PGAP6: variants seen among roughly 807,000 people sequenced by gnomAD.
PGAP6 encodes post-GPI attachment to proteins factor 6.
Under a neutral mutation model 68.4 loss-of-function variants are expected in PGAP6, and 62 were observed. The observed-to-expected ratio is 0.91, with a 90% confidence interval of 0.74 to 1.12. The LOEUF (loss-of-function observed/expected upper bound fraction) is 1.12, where lower values mean the gene tolerates loss of function less well. Ranked by LOEUF, PGAP6 falls within the 50% of genes most tolerant of loss-of-function variation. The pLI is 0.00. For missense variants in PGAP6, 1,188 were observed against 1,068.5 expected, an observed-to-expected ratio of 1.11 and a Z score of -1.56; for synonymous variants, 575 against 474.0, an observed-to-expected ratio of 1.21 and a Z score of -2.77.
chr16:376,791 C>A lies in PGAP6; in HGVS notation c.657G>T (p.Thr219=). 3.7e-6 allele frequency: 6 copies of A among 1,608,392 alleles called. No homozygotes were observed. Among genetic ancestry groups the A allele is most frequent in the Non-Finnish European group, 4.2e-6 (5 of 1,179,912 alleles). ...SYLKVFVPDY[T]RELLLELRDC... The stretch of plus-strand genomic sequence containing the variant: ...CCCGCAGCTCCAGCAGAAGCTCCCG[C>A]GTGTAATCGGGGACAAAGACCCTGC... The change falls in exon 5 of 13, where the codon ACG becomes ACT. Residue 219 remains threonine (T), a synonymous_variant. Transcript: ENST00000431232.
chr16:374,216 C>T lies in PGAP6; in HGVS notation c.1755+5G>A, dbSNP rs183893170. ...CCCACATCCCTGCAGGAGGGGCCAG[C>T]CTACCGTGGAGAAGAACATGGTGTA... On this transcript the variant is annotated splice_donor_5th_base_variant and intron_variant, in intron 10 of 12. Coordinates refer to ENST00000431232, the MANE Select transcript of PGAP6 (RefSeq NM_021259.3). The T allele has an allele frequency of 7.5e-6, 12 of 1,610,050 alleles. No individual in the cohort carries two copies. The Admixed American group carries it at 2.0e-4, about 27-fold the overall frequency.
chr16:378,404 GCACTGCCATCGCCACCCA>G lies in PGAP6; in HGVS notation c.122-574_122-557del, dbSNP rs1425428166. Among the ~76,000 whole-genome samples, 7 of 18,918 alleles carry G rather than the reference GCACTGCCATCGCCACCCA, an allele frequency of 3.7e-4. 1 individual carries two copies. The highest frequency in any genetic ancestry group is 8.5e-4 in the African/African-American group (3 of 3,546). 12.4% of individuals were successfully genotyped at this position (18,918 alleles called of 152,430 possible). ...GCCACCCTGACTGCCATCGCCACCCGCACTGCCATCGCCACCCACACTGCCATCCCCACCCGCACTGCC... is the reference window on the plus strand; with the variant it reads ...GCCACCCTGACTGCCATCGCCACCCGCACTGCCATCCCCACCCGCACTGCC... On this transcript the variant is annotated intron_variant, in intron 1 of 12. Transcript: ENST00000431232.
Position 381,944 on chromosome 16 carries a change from C to G in PGAP6, c.-123G>C. ...CCGCCTCTGCCCCCGGCGCCCATGG[C>G]CCGGCCGGTCCCCGCCGCCGTCGCC... is the stretch of plus-strand genomic sequence containing the variant. On this transcript the variant is annotated 5_prime_UTR_variant, in exon 1 of 13. Coordinates refer to ENST00000431232, the MANE Select transcript of PGAP6 (RefSeq NM_021259.3). 1 of 973,046 alleles carries G rather than the reference C, an allele frequency of 1.0e-6. No homozygotes were observed. Among genetic ancestry groups the G allele is most frequent in the Non-Finnish European group, 1.2e-6 (1 of 820,438 alleles). The allele number at this position is 973,046 out of a possible 1,614,324, so 60.3% of individuals were successfully genotyped here.
rs1339218875 is a variant in PGAP6, at chr16:381,912, GCCGCCT to G, written c.-97_-92del. 6 of 967,216 alleles carry G rather than the reference GCCGCCT, an allele frequency of 6.2e-6. No individual in the cohort carries two copies. The highest frequency in any genetic ancestry group is 6.4e-5 in the Admixed American group (1 of 15,710). 59.9% of individuals were successfully genotyped at this position (967,216 alleles called of 1,614,324 possible). Reference sequence around the variant, plus strand: ...GGCAGCCTCTGCCGCCTCCGCCTCTGCCGCCTCCGCCTCTGCCCCCGGCGCCCATGG... The same window carrying G: ...GGCAGCCTCTGCCGCCTCCGCCTCTGCCGCCTCTGCCCCCGGCGCCCATGG... On this transcript the variant is annotated 5_prime_UTR_variant, in exon 1 of 13. Coordinates refer to ENST00000431232, the MANE Select transcript of PGAP6 (RefSeq NM_021259.3).
intron 1 of PGAP6, among the ~76,000 whole-genome samples, chr16:380,378 T>G (rs2054426896): frequency 1.3e-5 from 2 of 151,994 alleles, no homozygotes; most frequent in East Asian, 1.9e-4. Context: ...CTTTCTTTTT[T>G]TTTTTTGAGA....
At chr16:381,664 C>A in intron 1 of PGAP6, 37 bp downstream of exon 1, 1 of 1,188,428 alleles carries the variant, frequency 8.4e-7, no homozygotes, top group Non-Finnish European at 1.0e-6. Flanking sequence ...GCAGCCCCGG[C>A]CCCACGCCCC....
intron 6 of PGAP6, among the ~76,000 whole-genome samples, 191 bp from the exon 7 acceptor site, chr16:375,626 G>A (rs1156274674): frequency 6.6e-6 from 1 of 151,840 alleles, no homozygotes; most frequent in African/African-American, 2.4e-5. Context: ...TCCGCCCCTG[G>A]GTTCATGCCA....
rs1262666483 is a variant in PGAP6, at chr16:376,811, C to T, written c.637G>A (p.Val213Ile). The change falls in exon 5 of 13, where the codon GTC becomes ATC. Residue 213 changes from valine (V) to isoleucine (I), a missense_variant and splice_region_variant. Coordinates refer to ENST00000431232, the MANE Select transcript of PGAP6 (RefSeq NM_021259.3). Reference protein sequence around the residue: ...TLLSHPSYLKVFVPDYTRELL... With the variant: ...TLLSHPSYLKIFVPDYTRELL... ...TCCCGCGTGTAATCGGGGACAAAGA[C>T]CCTGCAGCGAGGGGACACAGCTGGC... The T allele has an allele frequency of 6.2e-7, 1 of 1,604,664 alleles. No homozygotes were observed. The highest frequency in any genetic ancestry group is 1.7e-5 in the Admixed American group (1 of 59,988).
At chr16:373,899 C>T (rs531082623) in intron 11 of PGAP6, 106 bp downstream of exon 11, 16 of 1,368,308 alleles carry the variant, frequency 1.2e-5, no homozygotes, top group Admixed American at 8.1e-5. Flanking sequence ...TTCCAGGGGC[C>T]GTGCCCAACG....
intron 1 of PGAP6, among the ~76,000 whole-genome samples, chr16:378,740 C>T (rs1452159812): frequency 2.0e-5 from 3 of 152,176 alleles, no homozygotes; most frequent in Non-Finnish European, 4.4e-5. Flanking sequence ...ACGGCGAGAC[C>T]GGAGCCCAAA....
Position 378,397 on chromosome 16 carries a change from G to C in PGAP6, c.122-549C>G, listed in dbSNP as rs796853909. Among the ~76,000 whole-genome samples, 126 of 57,560 alleles carry C rather than the reference G, an allele frequency of 2.2e-3. 10 individuals are homozygous for C. The highest frequency in any genetic ancestry group is 2.7e-3 in the African/African-American group (35 of 13,082). 37.8% of individuals were successfully genotyped at this position (57,560 alleles called of 152,430 possible). ...TGCCATCGCCACCCTGACTGCCATC[G>C]CCACCCGCACTGCCATCGCCACCCA... On this transcript the variant is annotated intron_variant, in intron 1 of 12. Transcript: ENST00000431232.
chr16:386,122 G>C (rs1034226398), upstream of PGAP6, among the ~76,000 whole-genome samples: 3 of 152,142 alleles, frequency 2.0e-5, no homozygotes, highest in African/African-American at 7.2e-5. Flanking sequence ...CTGCAGCCTG[G>C]CCGGAGGGGA....
At position 371,323 on chromosome 16, in the gene PGAP6, C is replaced by G. The variant is rs968940370; in HGVS notation, c.*664G>C. ...GTAGGGGTTCCTTCTGGGCCAAACC[C>G]CCAGAGCAGCAGAGCACCCCAGTCC... is the stretch of plus-strand genomic sequence containing the variant. On this transcript the variant is annotated 3_prime_UTR_variant, in exon 13 of 13. Transcript: ENST00000431232. 6 of 152,576 alleles carry G rather than the reference C, an allele frequency of 3.9e-5. No homozygotes were observed. The highest frequency in any genetic ancestry group is 2.6e-4 in the Admixed American group (4 of 15,296). The allele number at this position is 152,576 out of a possible 1,614,324, so 9.5% of individuals were successfully genotyped here. A position where few individuals can be genotyped will look rare whatever the true frequency, so the allele number is the denominator to read the frequency against.
chr16:372,807 C>T (rs780806286), intron 11 of PGAP6, 80 bp from the exon 12 acceptor site: 5 of 989,294 alleles, frequency 5.1e-6, no homozygotes, highest in Non-Finnish European at 6.1e-6. Flanking sequence ...CCCACGGCCC[C>T]ACAGCACCTC....
chr16:377,032 C>T lies in PGAP6; in HGVS notation c.635+5G>A, dbSNP rs1280170086. The T allele has an allele frequency of 2.5e-6, 4 of 1,612,630 alleles. No homozygotes were observed. In the South Asian group the frequency reaches 3.3e-5, roughly 13 times the overall value. On this transcript the variant is annotated splice_donor_5th_base_variant and intron_variant, in intron 4 of 12. Coordinates refer to ENST00000431232, the MANE Select transcript of PGAP6 (RefSeq NM_021259.3). ...AGCCGGGCTGCCCCCCAGGCCCCCG[C>T]TCACTTGAGGTAGCTGGGATGGGAG...
intron 12 of PGAP6, 69 bp downstream of exon 12, chr16:372,542 C>A: frequency 7.7e-7 from 1 of 1,291,950 alleles, no homozygotes; most frequent in South Asian, 1.2e-5. Context: ...AGGAACGTGG[C>A]TAGAGCAAGG....
Position 371,775 on chromosome 16 carries a change from C to T in PGAP6, c.*212G>A. On this transcript the variant is annotated 3_prime_UTR_variant, in exon 13 of 13. Transcript: ENST00000431232. ...CACTGCAGACAGCAGCTGGGATCTG[C>T]AGAGGGATCTCAGCAGCGAGCAGGC... is the stretch of plus-strand genomic sequence containing the variant. The T allele has an allele frequency of 1.8e-6, 1 of 570,658 alleles. No individual in the cohort carries two copies. Among genetic ancestry groups the T allele is most frequent in the African/African-American group, 1.9e-5 (1 of 53,256 alleles). The allele number at this position is 570,658 out of a possible 1,614,324, so 35.3% of individuals were successfully genotyped here.
In PGAP6 at chr16:371,938, G is replaced by T. The variant is rs1353870507; in HGVS notation, c.*49C>A. ...GACCAGGCGCCTCCCCCTCGATACA[G>T]CTCCTGGCTGAAGAGGTCATCAGAG... On this transcript the variant is annotated 3_prime_UTR_variant, in exon 13 of 13. Transcript: ENST00000431232. 1.3e-6 allele frequency: 2 copies of T among 1,579,908 alleles called. No individual in the cohort carries two copies. The highest frequency in any genetic ancestry group is 3.4e-5 in the Admixed American group (2 of 58,544).
chr16:377,363 G>A lies in PGAP6; in HGVS notation c.507+15C>T, dbSNP rs1234316435. 4 of 1,575,862 alleles carry A rather than the reference G, an allele frequency of 2.5e-6. No individual in the cohort carries two copies. The highest frequency in any genetic ancestry group is 1.3e-5 in the African/African-American group (1 of 74,270). On this transcript the variant is annotated intron_variant, in intron 3 of 12. Transcript: ENST00000431232. ...AAGGTTCTCTGCCTCCATCCCGGAG[G>A]GCAGCCCCCCTCACCTTCAACTCGA... is the stretch of plus-strand genomic sequence containing the variant.
Sources: gnomAD v4.1 joint callset for allele counts (sites outside exome capture counted in the v4.1 genomes callset) on GRCh38, gnomAD v4.1.1 for gene constraint, MANE v1.5 for transcripts, NCBI Gene and HGNC (gene_info 2026-07-23, HGNC 2026-07-21) for gene names.